GRM8: variants seen among roughly 807,000 people sequenced by gnomAD.
The protein encoded by GRM8 is metabotropic glutamate receptor 8.
In GRM8, 47 loss-of-function variants were observed where a neutral mutation model predicts 87.2. The observed-to-expected ratio is 0.54, with a 90% confidence interval of 0.43 to 0.69. The LOEUF (loss-of-function observed/expected upper bound fraction) is 0.69, where lower values mean the gene tolerates loss of function less well. Ranked by LOEUF, GRM8 falls within the 30% of genes least tolerant of loss-of-function variation. The pLI, the probability that GRM8 is intolerant of heterozygous loss-of-function variation, is 0.00. For synonymous variants in GRM8, 396 were observed against 404.5 expected (o/e 0.98, Z 0.25); for missense variants, 1,019 against 1,139.2 (o/e 0.89, Z 1.52).
chr7:126,942,592 C>T (rs962103753), intron 3 of GRM8, among the ~76,000 whole-genome samples: 2 of 152,160 alleles, frequency 1.3e-5, no homozygotes, highest in Admixed American at 1.3e-4. Context: ...TGCTACTGCT[C>T]GCCCGGCATG....
At chr7:127,203,196 C>T (rs541516987) in intron 2 of GRM8, among the ~76,000 whole-genome samples, 19 of 152,146 alleles carry the variant, frequency 1.2e-4, no homozygotes, top group Non-Finnish European at 2.2e-4. Flanking sequence ...CATAGCAAAT[C>T]GTTAGGAAAC....
intron 2 of GRM8, among the ~76,000 whole-genome samples, chr7:127,132,855 G>A (rs1356879961): frequency 2.0e-5 from 3 of 152,088 alleles, no homozygotes; most frequent in Non-Finnish European, 4.4e-5. Flanking sequence ...GCAAAAGCAG[G>A]GCACATAGCA....
chr7:126,821,578 G>C (rs1794305806), intron 6 of GRM8, among the ~76,000 whole-genome samples: 1 of 152,104 alleles, frequency 6.6e-6, no homozygotes, highest in Non-Finnish European at 1.5e-5. Flanking sequence ...AAATGATTTT[G>C]AGCTCTCCTC....
At chr7:126,893,116 T>G (rs1449261843) in intron 6 of GRM8, among the ~76,000 whole-genome samples, 1 of 152,086 alleles carries the variant, frequency 6.6e-6, no homozygotes, top group Non-Finnish European at 1.5e-5. Context: ...AGAGGTAGTA[T>G]GGAAATAAAG....
chr7:126,795,685 G>A (rs755710815), intron 6 of GRM8, among the ~76,000 whole-genome samples: 1 of 151,950 alleles, frequency 6.6e-6, no homozygotes, highest in African/African-American at 2.4e-5. Context: ...TCCTCCTTGC[G>A]AAAAAGTTAG....
chr7:126,859,261 G>A (rs926944313), intron 6 of GRM8, among the ~76,000 whole-genome samples: 3 of 152,242 alleles, frequency 2.0e-5, no homozygotes, highest in East Asian at 3.9e-4. Flanking sequence ...TTTATTAAAC[G>A]TGAATAGATA....
At chr7:127,121,366 G>A (rs749302317) in intron 2 of GRM8, among the ~76,000 whole-genome samples, 2 of 152,126 alleles carry the variant, frequency 1.3e-5, no homozygotes, top group Non-Finnish European at 2.9e-5. Context: ...CTTCACCAGA[G>A]ACTTGGGAAT....
chr7:127,213,749 T>C (rs997204486), intron 2 of GRM8, among the ~76,000 whole-genome samples: 5 of 152,226 alleles, frequency 3.3e-5, no homozygotes, highest in African/African-American at 1.2e-4. Context: ...ACATTAGGTT[T>C]TATGTTTACT....
chr7:127,094,851 G>A (rs560884784), intron 3 of GRM8, among the ~76,000 whole-genome samples: 1 of 152,294 alleles, frequency 6.6e-6, no homozygotes, highest in East Asian at 1.9e-4. Context: ...GGGAATCTCT[G>A]GGAAAGAGAT....
In GRM8 at chr7:126,955,116, C is replaced by T. The variant is rs561764691; in HGVS notation, c.728-50433G>A. Among the ~76,000 whole-genome samples the T allele has an allele frequency of 2.0e-5, 3 of 152,100 alleles. No homozygotes were observed. In the South Asian group the frequency reaches 6.2e-4, roughly 32 times the overall value. On this transcript the variant is annotated intron_variant, in intron 3 of 10. Transcript: ENST00000339582. ...GTGAAACAACTAAGATAAGCCCAAACAAAAATGAGGAAAAGGTGTATATGT... is the reference window on the plus strand; with the variant it reads ...GTGAAACAACTAAGATAAGCCCAAATAAAAATGAGGAAAAGGTGTATATGT...
intron 7 of GRM8, among the ~76,000 whole-genome samples, chr7:126,758,571 G>C (rs536151343): frequency 6.6e-6 from 1 of 152,226 alleles, no homozygotes; most frequent in Admixed American, 6.5e-5. Context: ...GGAAGATGAA[G>C]TAAAAGAAGT....
intron 3 of GRM8, among the ~76,000 whole-genome samples, chr7:127,030,289 T>A (rs879031737): frequency 8.3e-6 from 1 of 120,636 alleles, no homozygotes; most frequent in Admixed American, 7.7e-5. Flanking sequence ...GAAAAAGCAC[T>A]CCCCAGAAGG....
chr7:126,904,152 AT>A, intron 4 of GRM8, 26 bp from the exon 5 acceptor site: 1 of 1,572,218 alleles, frequency 6.4e-7, no homozygotes, highest in African/African-American at 1.4e-5. Flanking sequence ...TAAATAATGC[AT>A]ATCACATGTA....
intron 3 of GRM8, among the ~76,000 whole-genome samples, chr7:126,999,518 A>G (rs1218422295): frequency 2.0e-5 from 3 of 151,894 alleles, no homozygotes; most frequent in Admixed American, 6.6e-5. Flanking sequence ...ACCAAAATAT[A>G]GCAGTAGCTA....
intron 2 of GRM8, among the ~76,000 whole-genome samples, chr7:127,173,158 TAAC>T (rs1428098936): frequency 6.6e-6 from 1 of 152,062 alleles, no homozygotes; most frequent in Admixed American, 6.6e-5. Flanking sequence ...CACAGACAAA[TAAC>T]AAACATAATG....
At chr7:126,841,713 C>T (rs865796662) in intron 6 of GRM8, among the ~76,000 whole-genome samples, 9 of 151,798 alleles carry the variant, frequency 5.9e-5, no homozygotes, top group Middle Eastern at 3.4e-3. Context: ...CTGCAAGCTC[C>T]GCCTCCCGGA....
intron 3 of GRM8, among the ~76,000 whole-genome samples, chr7:127,098,815 G>T (rs1480267755): frequency 6.6e-6 from 1 of 152,066 alleles, no homozygotes; most frequent in Non-Finnish European, 1.5e-5. Flanking sequence ...ACAGAATCAG[G>T]TCTATTCTGC....
At chr7:126,958,763 C>T (rs147466578) in intron 3 of GRM8, among the ~76,000 whole-genome samples, 1 of 152,260 alleles carries the variant, frequency 6.6e-6, no homozygotes, top group East Asian at 1.9e-4. Flanking sequence ...TGTGACATTC[C>T]CTTAAAGAAT....
intron 3 of GRM8, among the ~76,000 whole-genome samples, chr7:126,939,268 T>C (rs548178133): frequency 1.1e-3 from 165 of 152,268 alleles, no homozygotes; most frequent in South Asian, 3.1e-3. Flanking sequence ...ATCAATGTGA[T>C]AAAATAAAAA....
Sources: allele counts gnomAD v4.1 joint callset (sites outside exome capture counted in the v4.1 genomes callset), GRCh38; gene constraint gnomAD v4.1.1; transcripts MANE v1.5; gene names NCBI Gene and HGNC (gene_info 2026-07-23, HGNC 2026-07-21).